MSRA: variants seen among roughly 807,000 people sequenced by gnomAD.
MSRA encodes the protein mitochondrial peptide methionine sulfoxide reductase.
In MSRA, 54 loss-of-function variants were observed where a neutral mutation model predicts 31.3. That is an observed-to-expected ratio of 1.73 (90% CI 1.39 to 2.17). The LOEUF is 2.17. Among genes scored for constraint, MSRA ranks in the 30% most tolerant of loss-of-function variants. The pLI is 0.00. For synonymous variants in MSRA, 169 were observed against 116.5 expected (o/e 1.45, Z -2.90); for missense variants, 507 against 300.9 (o/e 1.69, Z -5.07).
At chr8:10,344,206 A>G (rs1390434597) in intron 5 of MSRA, among the ~76,000 whole-genome samples, 2 of 152,142 alleles carry the variant, frequency 1.3e-5, no homozygotes, top group Non-Finnish European at 2.9e-5. Context: ...GATCGAGGCA[A>G]GTGCCTTGAC....
intron 3 of MSRA, among the ~76,000 whole-genome samples, chr8:10,272,667 C>A (rs928997135): frequency 6.6e-6 from 1 of 152,064 alleles, no homozygotes; most frequent in African/African-American, 2.4e-5. Context: ...CTCACTCTTA[C>A]TCGCGCTTTA....
chr8:10,140,422 A>T (rs957315741), intron 1 of MSRA, among the ~76,000 whole-genome samples: 1 of 152,110 alleles, frequency 6.6e-6, no homozygotes, highest in Non-Finnish European at 1.5e-5. Flanking sequence ...CTTTACAAAG[A>T]TTTCCTATTT....
intron 5 of MSRA, among the ~76,000 whole-genome samples, chr8:10,391,429 G>A (rs1363877440): frequency 6.6e-6 from 1 of 152,132 alleles, no homozygotes; most frequent in Non-Finnish European, 1.5e-5. Flanking sequence ...ACACTGTCTG[G>A]GACTTAGCAA....
At chr8:10,410,374 C>G (rs1350313028) in intron 5 of MSRA, among the ~76,000 whole-genome samples, 2 of 152,182 alleles carry the variant, frequency 1.3e-5, no homozygotes, top group African/African-American at 2.4e-5. Context: ...TGCAAGTGGC[C>G]AGGCCCTTGA....
At chr8:10,264,098 C>G (rs998235580) in intron 3 of MSRA, among the ~76,000 whole-genome samples, 35 of 152,240 alleles carry the variant, frequency 2.3e-4, no homozygotes, top group African/African-American at 8.4e-4. Context: ...CAGAGCCTTC[C>G]AAGTTTATAT....
chr8:10,253,651 A>C (rs1361342260), intron 3 of MSRA, among the ~76,000 whole-genome samples: 1 of 152,202 alleles, frequency 6.6e-6, no homozygotes, highest in African/African-American at 2.4e-5. Flanking sequence ...CAGTTTTTAA[A>C]ACATAATTGC....
intron 5 of MSRA, among the ~76,000 whole-genome samples, chr8:10,366,411 G>A (rs1204552623): frequency 6.6e-6 from 1 of 152,250 alleles, no homozygotes; most frequent in African/African-American, 2.4e-5. Context: ...CCTGAGCCAG[G>A]CCTTGTGCAG....
chr8:10,170,093 G>T (rs1217788896), intron 1 of MSRA, among the ~76,000 whole-genome samples: 1 of 134,618 alleles, frequency 7.4e-6, no homozygotes, highest in African/African-American at 2.9e-5. Flanking sequence ...CACCATGTTA[G>T]TCAGGTAGTC....
At chr8:10,193,174 C>T (rs137938987) in intron 1 of MSRA, among the ~76,000 whole-genome samples, 256 of 152,306 alleles carry the variant, frequency 1.7e-3, no homozygotes, top group African/African-American at 5.4e-3. Context: ...AAGTCACACT[C>T]GTCTTCTACA....
At chr8:10,203,801 C>T (rs1808712860) in intron 1 of MSRA, among the ~76,000 whole-genome samples, 2 of 152,096 alleles carry the variant, frequency 1.3e-5, no homozygotes, top group Admixed American at 1.3e-4. Context: ...ACATTGTTAC[C>T]ATAGGAGATG....
At chr8:10,096,074 T>G (rs1196213638) in intron 1 of MSRA, 1 of 1,379,562 alleles carries the variant, frequency 7.2e-7, no homozygotes, top group African/African-American at 1.5e-5. Flanking sequence ...TTATTTTATT[T>G]TTAGACATTT....
At chr8:10,087,426 G>C (rs928524228) in intron 1 of MSRA, among the ~76,000 whole-genome samples, 1 of 152,180 alleles carries the variant, frequency 6.6e-6, no homozygotes, top group Non-Finnish European at 1.5e-5. Flanking sequence ...GGCAAGTAGT[G>C]GTTGTTCAGA....
intron 1 of MSRA, among the ~76,000 whole-genome samples, chr8:10,072,923 T>C (rs1797815742): frequency 6.6e-6 from 1 of 152,238 alleles, no homozygotes; most frequent in Non-Finnish European, 1.5e-5. Flanking sequence ...TATTTAAAAA[T>C]GCAGTTGATT....
At chr8:10,271,445 G>A (rs1215763530) in intron 3 of MSRA, among the ~76,000 whole-genome samples, 2 of 25,246 alleles carry the variant, frequency 7.9e-5, no homozygotes, top group African/African-American at 2.2e-4. Context: ...GATGGAAATT[G>A]ACTAGGGGAA....
rs1318301557 is a variant in MSRA, at chr8:10,245,229, A to G, written c.331+6A>G. 6.2e-7 allele frequency: 1 copy of G among 1,612,388 alleles called. No individual in the cohort carries two copies. Among genetic ancestry groups the G allele is most frequent in the Non-Finnish European group, 8.5e-7 (1 of 1,179,254 alleles). On this transcript the variant is annotated splice_donor_region_variant and intron_variant, in intron 3 of 5. Coordinates refer to ENST00000317173, the MANE Select transcript of MSRA (RefSeq NM_012331.5). The stretch of plus-strand genomic sequence containing the variant: ...TTATAAAGAAGTCTGCTCAGGTAGG[A>G]AGAATTTGCTTTATTGTATTACTAG...
intron 5 of MSRA, among the ~76,000 whole-genome samples, chr8:10,412,634 G>A (rs959256406): frequency 2.0e-5 from 3 of 152,132 alleles, no homozygotes; most frequent in African/African-American, 4.8e-5. Context: ...ATGGACACGA[G>A]ATTAGAACAG....
chr8:10,195,568 T>A (rs1055860933), intron 1 of MSRA, among the ~76,000 whole-genome samples: 1 of 152,178 alleles, frequency 6.6e-6, no homozygotes, highest in Admixed American at 6.6e-5. Context: ...ATCACTATAT[T>A]ATTTCCTGTA....
intron 1 of MSRA, among the ~76,000 whole-genome samples, chr8:10,197,408 C>T (rs922591293): frequency 6.6e-6 from 1 of 152,110 alleles, no homozygotes; most frequent in Non-Finnish European, 1.5e-5. Context: ...GCCGGAGATG[C>T]AGGATGCTTG....
chr8:10,293,984 AC>A (rs1436601887), intron 3 of MSRA, among the ~76,000 whole-genome samples: 10 of 152,068 alleles, frequency 6.6e-5, no homozygotes, highest in Non-Finnish European at 1.5e-4. Flanking sequence ...TGGGAGGATC[AC>A]CTGAGGTTAG....
Sources: gnomAD v4.1 joint callset for allele counts (sites outside exome capture counted in the v4.1 genomes callset) on GRCh38, gnomAD v4.1.1 for gene constraint, MANE v1.5 for transcripts, NCBI Gene and HGNC (gene_info 2026-07-23, HGNC 2026-07-21) for gene names.